Variants in ABHD12 observed in about 807,000 individuals in gnomAD.
The protein encoded by ABHD12 is abhydrolase domain containing 12, lysophospholipase, also known as lysophosphatidylserine lipase ABHD12.
Under a neutral mutation model 58.3 loss-of-function variants are expected in ABHD12, and 43 were observed. The observed-to-expected ratio is 0.74, with a 90% CI of 0.58 to 0.95. The LOEUF (loss-of-function observed/expected upper bound fraction) is 0.95, where lower values mean the gene tolerates loss of function less well. Ranked by LOEUF, ABHD12 falls within the 40% of genes least tolerant of loss-of-function variation. The probability of loss-of-function intolerance (pLI) is 0.00; values close to 1 mark genes in which losing one functional copy is unlikely to be tolerated. For synonymous variants in ABHD12, 219 were observed against 211.2 expected, an observed-to-expected ratio of 1.04 and a Z score of -0.32; for missense variants, 539 against 537.2, an observed-to-expected ratio of 1.00 and a Z score of -0.03.
downstream of ABHD12, among the ~76,000 whole-genome samples, chr20:25,296,057 C>T (rs1023559339): frequency 1.3e-5 from 2 of 152,188 alleles, no homozygotes; most frequent in African/African-American, 4.8e-5. Context: ...TGTCCCCTGG[C>T]ACTGGATCTG....
At position 25,339,356 on chromosome 20, in the gene ABHD12, A is replaced by C. The variant is rs1157058928; in HGVS notation, c.192-5T>G. ...CGCAACCACACGCCCTTTCGCCTGC[A>C]AGAGAAAAGCAATGAATAGGTCAGA... On this transcript the variant is annotated splice_region_variant and splice_polypyrimidine_tract_variant and intron_variant, in intron 1 of 12. Coordinates refer to ENST00000339157, the MANE Select transcript of ABHD12 (RefSeq NM_001042472.3). 1 of 1,614,134 alleles carries C rather than the reference A, an allele frequency of 6.2e-7. No homozygotes were observed. Among genetic ancestry groups the C allele is most frequent in the South Asian group, 1.1e-5 (1 of 91,078 alleles).
intron 1 of ABHD12, among the ~76,000 whole-genome samples, chr20:25,359,159 C>T (rs1246784544): frequency 2.0e-5 from 3 of 151,156 alleles, no homozygotes; most frequent in South Asian, 4.2e-4. Flanking sequence ...TGGTGGCTCA[C>T]GCTTGTAATC....
downstream of ABHD12, among the ~76,000 whole-genome samples, chr20:25,296,094 C>A (rs79676296): frequency 8.2e-4 from 125 of 151,916 alleles, 2 homozygotes; most frequent in East Asian, 0.021. Context: ...CTGGTGCTAT[C>A]CCTATCGTCG....
At position 25,388,178 on chromosome 20, in the gene ABHD12, A is replaced by C. The variant is rs112479606; in HGVS notation, c.191+2335T>G. ...GAAGGCTCATTAGATTGTCTTCTCT[A>C]CTTCCACGTATGTCGACAATAAAGA... On this transcript the variant is annotated intron_variant, in intron 1 of 12. Coordinates refer to ENST00000339157, the MANE Select transcript of ABHD12 (RefSeq NM_001042472.3). 6.9e-3 allele frequency among the ~76,000 whole-genome samples: 1,049 copies of C among 151,664 alleles called. 5 individuals are homozygous for C. Among genetic ancestry groups the C allele is most frequent in the Middle Eastern group, 0.021 (6 of 290 alleles).
At chr20:25,320,178 T>C in intron 4 of ABHD12, 21 bp downstream of exon 4, 1 of 1,613,442 alleles carries the variant, frequency 6.2e-7, no homozygotes, top group Non-Finnish European at 8.5e-7. Flanking sequence ...ACAGCAAAGA[T>C]GATGGGCTCC....
rs60949062 is a variant in ABHD12 at position 25,363,496 on chromosome 20, C to T, written c.192-24145G>A. Among the ~76,000 whole-genome samples the T allele has an allele frequency of 6.1e-3, 928 of 152,130 alleles. 6 individuals carry two copies. The highest frequency in any genetic ancestry group is 0.022 in the African/African-American group (896 of 41,510). On this transcript the variant is annotated intron_variant, in intron 1 of 12. Coordinates refer to ENST00000339157, the MANE Select transcript of ABHD12 (RefSeq NM_001042472.3). ...CCTCCCAAAGTGCTGGGAGAGCAGG[C>T]GTGAGTCACCGCACCTGGCTGACAT...
chr20:25,368,217 T>G, intron 1 of ABHD12: 1 of 1,329,882 alleles, frequency 7.5e-7, no homozygotes, highest in East Asian at 2.3e-5. Context: ...GGAGGGGTGC[T>G]CTCCTGAGCT....
chr20:25,389,355 T>A (rs1381248564), intron 1 of ABHD12, among the ~76,000 whole-genome samples: 1 of 152,210 alleles, frequency 6.6e-6, no homozygotes, highest in African/African-American at 2.4e-5. Flanking sequence ...TTTAATTTCA[T>A]GATTTTTTTA....
rs543940272 is a variant in ABHD12 at position 25,359,627 on chromosome 20, T to C, written c.192-20276A>G. On this transcript the variant is annotated intron_variant, in intron 1 of 12. Transcript: ENST00000339157. ...CTCTGTCGCCCAGACTGGAGTGCAG[T>C]GGTGCGATCTCGGCTCACTGCAACC... Among the ~76,000 whole-genome samples, 19 of 151,932 alleles carry C rather than the reference T, an allele frequency of 1.3e-4. No individual in the cohort carries two copies. The Middle Eastern group carries it at 0.01, about 82-fold the overall frequency.
At chr20:25,329,833 C>T (rs934949998) in intron 2 of ABHD12, among the ~76,000 whole-genome samples, 11 of 151,990 alleles carry the variant, frequency 7.2e-5, no homozygotes, top group Non-Finnish European at 1.0e-4. Flanking sequence ...CAGGACCTTC[C>T]GTATGAAAAA....
chr20:25,308,089 C>A (rs757336398), intron 8 of ABHD12, 44 bp from the exon 9 acceptor site: 34 of 1,339,854 alleles, frequency 2.5e-5, no homozygotes, highest in African/African-American at 4.3e-5. Context: ...AGGAAGCCAG[C>A]GACATACATG....
intron 1 of ABHD12, among the ~76,000 whole-genome samples, chr20:25,365,182 T>C (rs921347660): frequency 1.2e-4 from 18 of 152,244 alleles, no homozygotes; most frequent in African/African-American, 4.3e-4. Flanking sequence ...AAAAAGGTCA[T>C]ATGTTTACAT....
rs1484226837 is a variant in ABHD12 at position 25,303,578 on chromosome 20, G to A, written c.1001C>T (p.Pro334Leu). ...PLLILHAEDDPVVPFQLGRKL... is the reference protein window; with the variant it reads ...PLLILHAEDDLVVPFQLGRKL... ...TCTGCCAAGCTGGAAGGGCACCACC[G>A]GGTCGTCCTCAGCGTGCAGGATGAG... Residue 334 changes from proline (P) to leucine (L), a missense_variant, in exon 11 of 13, where the codon CCG becomes CTG. By Grantham distance (98) the Pro-to-Leu change is moderately conservative (BLOSUM62 -3). Transcript: ENST00000339157. 20 of 1,613,722 alleles carry A rather than the reference G, an allele frequency of 1.2e-5. No homozygotes were observed. Among genetic ancestry groups the A allele is most frequent in the East Asian group, 2.2e-5 (1 of 44,892 alleles).
intron 2 of ABHD12, among the ~76,000 whole-genome samples, chr20:25,330,375 C>T (rs2089251459): frequency 6.6e-6 from 1 of 152,204 alleles, no homozygotes. Context: ...AAGGCAGCAG[C>T]GAGGCTTGGG....
At position 25,308,063 on chromosome 20, in the gene ABHD12, G is replaced by A. The variant is rs1157106439; in HGVS notation, c.788-18C>T. ...AGGCGTCTCTAGATAAACAAACAGG[G>A]AACTGAGAGGTAGGCAGGAAGCCAG... On this transcript the variant is annotated intron_variant, in intron 8 of 12. Transcript: ENST00000339157. The A allele has an allele frequency of 3.9e-6, 6 of 1,526,130 alleles. No individual in the cohort carries two copies. The highest frequency in any genetic ancestry group is 5.5e-6 in the Non-Finnish European group (6 of 1,099,518). The allele number at this position is 1,526,130 out of a possible 1,614,324, so 94.5% of individuals were successfully genotyped here.
chr20:25,302,387 A>G lies in ABHD12; in HGVS notation c.1030-41T>C, dbSNP rs770597033. The stretch of plus-strand genomic sequence containing the variant: ...TCAGAGCCTGAGGCAGTGGCCTGGC[A>G]TGGGGGTCCCAGCCTGAGGAACACC... On this transcript the variant is annotated intron_variant, in intron 11 of 12. Coordinates refer to ENST00000339157, the MANE Select transcript of ABHD12 (RefSeq NM_001042472.3). The G allele has an allele frequency of 2.5e-6, 4 of 1,610,630 alleles. No homozygotes were observed. The South Asian group carries it at 4.4e-5, about 18-fold the overall frequency.
chr20:25,355,968 G>A (rs868250042), intron 1 of ABHD12, among the ~76,000 whole-genome samples: 23 of 152,212 alleles, frequency 1.5e-4, no homozygotes, highest in African/African-American at 4.6e-4. Context: ...CTGTGAAACT[G>A]GGCCAATAAT....
chr20:25,371,518 C>T (rs2089899885), intron 1 of ABHD12, among the ~76,000 whole-genome samples: 1 of 152,152 alleles, frequency 6.6e-6, no homozygotes, highest in African/African-American at 2.4e-5. Flanking sequence ...CTGACACTCC[C>T]CAAAGAACTG....
At chr20:25,382,449 C>T (rs1299329105) in intron 1 of ABHD12, among the ~76,000 whole-genome samples, 3 of 152,148 alleles carry the variant, frequency 2.0e-5, no homozygotes, top group Admixed American at 1.3e-4. Flanking sequence ...GCATTGACTT[C>T]ATCTGTCAGC....
Sources: gnomAD v4.1 joint callset for allele counts (sites outside exome capture counted in the v4.1 genomes callset) on GRCh38, gnomAD v4.1.1 for gene constraint, MANE v1.5 for transcripts, NCBI Gene and HGNC (gene_info 2026-07-23, HGNC 2026-07-21) for gene names.